Variants in ASTN2 observed in about 807,000 individuals in gnomAD.
ASTN2 encodes astrotactin-2.
A neutral mutation model predicts 139.8 loss-of-function variants in ASTN2; 54 were observed. That is an observed-to-expected ratio of 0.39 (90% confidence interval 0.31 to 0.48). ASTN2 has a LOEUF of 0.48. ASTN2 is among the 20% of genes least tolerant of loss of function. ASTN2 has a pLI of 0.95. For synonymous variants in ASTN2, 756 were observed against 719.5 expected (o/e 1.05, Z -0.81); for missense variants, 1,565 against 1,725.1 (o/e 0.91, Z 1.64).
intron 2 of ASTN2, among the ~76,000 whole-genome samples, chr9:117,220,019 C>T (rs1225069035): frequency 2.0e-5 from 3 of 152,166 alleles, no homozygotes; most frequent in Non-Finnish European, 4.4e-5. Context: ...AATAGGCTCC[C>T]TTTAAAATGA....
At chr9:117,013,990 G>C (rs1837606147) in intron 6 of ASTN2, among the ~76,000 whole-genome samples, 2 of 152,156 alleles carry the variant, frequency 1.3e-5, no homozygotes, top group Admixed American at 1.3e-4. Flanking sequence ...CTTTACAAAT[G>C]AAGTGTAGAG....
At chr9:116,620,274 G>A in intron 18 of ASTN2, 36 bp downstream of exon 18, 2 of 1,613,844 alleles carry the variant, frequency 1.2e-6, no homozygotes, top group Non-Finnish European at 1.7e-6. Flanking sequence ...TCCACGAAAA[G>A]GGATGGCCAA....
chr9:116,946,546 A>T (rs921691657), intron 10 of ASTN2, among the ~76,000 whole-genome samples: 2 of 152,210 alleles, frequency 1.3e-5, no homozygotes, highest in Non-Finnish European at 2.9e-5. Context: ...TCTAATAATG[A>T]TCACTGAGTG....
At chr9:116,533,271 G>A (rs1228081014) in intron 19 of ASTN2, among the ~76,000 whole-genome samples, 2 of 152,154 alleles carry the variant, frequency 1.3e-5, no homozygotes, top group South Asian at 4.1e-4. Context: ...CTGAGACAAT[G>A]GGGTTTTCTA....
intron 16 of ASTN2, chr9:116,686,671 T>C (rs1467816959): frequency 1.9e-6 from 3 of 1,548,786 alleles, no homozygotes; most frequent in African/African-American, 2.7e-5. Flanking sequence ...CGAGCAAAAC[T>C]ACACTTGGTT....
chr9:116,731,408 T>C (rs866469649), intron 14 of ASTN2, among the ~76,000 whole-genome samples: 9 of 151,954 alleles, frequency 5.9e-5, no homozygotes, highest in African/African-American at 4.8e-5. Context: ...ATTTTTTTGT[T>C]ATTGTGTTTT....
At chr9:116,569,575 T>C (rs1159397739) in intron 19 of ASTN2, among the ~76,000 whole-genome samples, 1 of 152,220 alleles carries the variant, frequency 6.6e-6, no homozygotes, top group Non-Finnish European at 1.5e-5. Context: ...CCAGACCATG[T>C]GAACTGGAGA....
chr9:116,535,717 A>T (rs765287560), intron 19 of ASTN2, among the ~76,000 whole-genome samples: 39 of 152,190 alleles, frequency 2.6e-4, no homozygotes, highest in Non-Finnish European at 5.1e-4. Context: ...GTTTCTGCTG[A>T]GAGATCAGCT....
chr9:117,130,930 C>T (rs900243565), intron 4 of ASTN2, among the ~76,000 whole-genome samples: 16 of 152,184 alleles, frequency 1.1e-4, no homozygotes, highest in African/African-American at 2.2e-4. Context: ...CATCTGCTAA[C>T]GGCCCAGGCA....
intron 3 of ASTN2, among the ~76,000 whole-genome samples, chr9:117,207,736 C>G (rs914433765): frequency 5.3e-5 from 8 of 152,174 alleles, no homozygotes; most frequent in African/African-American, 1.7e-4. Context: ...GCCAGAGGAA[C>G]AGCCCCATGG....
intron 2 of ASTN2, among the ~76,000 whole-genome samples, chr9:117,223,732 T>C (rs553388978): frequency 6.6e-6 from 1 of 152,372 alleles, no homozygotes; most frequent in South Asian, 2.1e-4. Context: ...TGTGATTATG[T>C]ATGTATTCAC....
At chr9:116,474,902 T>C (rs1848929085) in intron 20 of ASTN2, among the ~76,000 whole-genome samples, 1 of 152,156 alleles carries the variant, frequency 6.6e-6, no homozygotes, top group African/African-American at 2.4e-5. Context: ...GGGTACTTTG[T>C]TCCTGACAAG....
intron 16 of ASTN2, among the ~76,000 whole-genome samples, chr9:116,668,622 A>G (rs970774493): frequency 5.9e-5 from 9 of 152,216 alleles, no homozygotes; most frequent in Admixed American, 4.6e-4. Flanking sequence ...CCATTCACCT[A>G]TGAAGGACAT....
intron 20 of ASTN2, among the ~76,000 whole-genome samples, chr9:116,485,979 G>A (rs1382072266): frequency 6.6e-6 from 1 of 152,204 alleles, no homozygotes; most frequent in Non-Finnish European, 1.5e-5. Context: ...GATTGTGGAA[G>A]GACTAACACT....
At chr9:117,398,372 G>GT (rs1407369466) in intron 1 of ASTN2, among the ~76,000 whole-genome samples, 1 of 152,146 alleles carries the variant, frequency 6.6e-6, no homozygotes, top group African/African-American at 2.4e-5. Context: ...CTTCTAAAAT[G>GT]TTTTTTAAAT....
intron 2 of ASTN2, among the ~76,000 whole-genome samples, chr9:117,286,275 C>G (rs1344976475): frequency 1.3e-5 from 2 of 151,214 alleles, no homozygotes; most frequent in East Asian, 3.9e-4. Flanking sequence ...AAAAAAGAAA[C>G]AAGAAGTTGT....
At chr9:117,036,664 A>G (rs1014487468) in intron 6 of ASTN2, among the ~76,000 whole-genome samples, 22 of 152,278 alleles carry the variant, frequency 1.4e-4, no homozygotes, top group Middle Eastern at 3.4e-3. Context: ...TGCTAAAGTT[A>G]TTCAAATTGG....
At position 116,454,378 on chromosome 9, in the gene ASTN2, G is replaced by A. The variant is rs118057974; in HGVS notation, c.3498-11825C>T. On this transcript the variant is annotated intron_variant, in intron 20 of 22. Coordinates refer to ENST00000313400, the MANE Select transcript of ASTN2 (RefSeq NM_001365068.1). ...ATATTGTACTGAAGGTTCTAGACAA[G>A]ACAATTCATCAAGGAAAAAAAAAAG... Among the ~76,000 whole-genome samples the A allele has an allele frequency of 6.0e-3, 903 of 151,618 alleles. 12 individuals are homozygous for A. The highest frequency in any genetic ancestry group is 0.026 in the East Asian group (132 of 5,150).
chr9:117,035,028 T>C (rs1044536401), intron 6 of ASTN2, among the ~76,000 whole-genome samples: 2 of 152,124 alleles, frequency 1.3e-5, no homozygotes, highest in African/African-American at 4.8e-5. Context: ...ACAGGACCCA[T>C]TACTCAGCCC....
Sources: allele counts gnomAD v4.1 joint callset (sites outside exome capture counted in the v4.1 genomes callset), GRCh38; gene constraint gnomAD v4.1.1; transcripts MANE v1.5; gene names NCBI Gene and HGNC (gene_info 2026-07-23, HGNC 2026-07-21).